The following STXBP6 variants were observed in gnomAD, a reference collection of about 807,000 sequenced individuals.
STXBP6 encodes the protein syntaxin binding protein 6.
Under a neutral mutation model 26.9 loss-of-function variants are expected in STXBP6, and 21 were observed. The observed-to-expected ratio is 0.78, with a 90% CI of 0.55 to 1.12. The LOEUF (loss-of-function observed/expected upper bound fraction) is 1.12, where lower values mean the gene tolerates loss of function less well. Among genes scored for constraint, STXBP6 ranks in the 50% most tolerant of loss-of-function variants. STXBP6 has a pLI of 0.00. For synonymous variants in STXBP6, 97 were observed against 92.6 expected, an observed-to-expected ratio of 1.05 and a Z score of -0.27; for missense variants, 232 against 257.9, an observed-to-expected ratio of 0.90 and a Z score of 0.69.
chr14:24,812,868 T>C, intron 5 of STXBP6, 136 bp from the exon 6 acceptor site: 1 of 798,174 alleles, frequency 1.3e-6, no homozygotes. Context: ...AGATCACCGT[T>C]ACTAATTACA....
intron 1 of STXBP6, among the ~76,000 whole-genome samples, chr14:25,035,956 G>A (rs746759332): frequency 1.3e-5 from 2 of 152,052 alleles, no homozygotes; most frequent in Non-Finnish European, 2.9e-5. Flanking sequence ...GGTGGCTCAC[G>A]CCTGTAATCC....
At chr14:25,029,944 C>T (rs1438411714) in intron 1 of STXBP6, among the ~76,000 whole-genome samples, 1 of 151,696 alleles carries the variant, frequency 6.6e-6, no homozygotes, top group African/African-American at 2.4e-5. Flanking sequence ...GCAATAGCTA[C>T]CATTTATCCT....
chr14:24,835,350 T>TG (rs2068581323), intron 4 of STXBP6, among the ~76,000 whole-genome samples: 1 of 151,618 alleles, frequency 6.6e-6, no homozygotes, highest in Non-Finnish European at 1.5e-5. Context: ...ATTGAGTGTT[T>TG]TTTGACCAGT....
chr14:24,833,460 T>G (rs566667198), intron 4 of STXBP6, among the ~76,000 whole-genome samples: 1 of 152,368 alleles, frequency 6.6e-6, no homozygotes, highest in Non-Finnish European at 1.5e-5. Flanking sequence ...TCCCTTCATT[T>G]TTTGTTATCT....
intron 2 of STXBP6, among the ~76,000 whole-genome samples, chr14:24,969,256 A>G (rs1172628441): frequency 6.6e-6 from 1 of 152,226 alleles, no homozygotes; most frequent in South Asian, 2.1e-4. Flanking sequence ...ACAAAAATTA[A>G]AGCTCCCACA....
chr14:24,879,205 T>C (rs74417369), intron 2 of STXBP6, among the ~76,000 whole-genome samples: 2,243 of 152,266 alleles, frequency 0.015, 65 homozygotes, highest in African/African-American at 0.051. Context: ...AATAATCAAA[T>C]ATTACATAGA....
intron 2 of STXBP6, among the ~76,000 whole-genome samples, chr14:24,956,979 A>AT (rs1316041135): frequency 6.6e-6 from 1 of 152,152 alleles, no homozygotes; most frequent in Admixed American, 6.6e-5. Context: ...CACATTTTGC[A>AT]TAATTCTGCA....
intron 1 of STXBP6, among the ~76,000 whole-genome samples, chr14:25,043,872 T>A (rs1225083191): frequency 6.6e-6 from 1 of 152,142 alleles, no homozygotes; most frequent in East Asian, 1.9e-4. Flanking sequence ...GTTTCCACTT[T>A]AGGGCTATTA....
At chr14:24,827,693 T>C (rs2068329351) in intron 4 of STXBP6, among the ~76,000 whole-genome samples, 1 of 152,194 alleles carries the variant, frequency 6.6e-6, no homozygotes, top group Non-Finnish European at 1.5e-5. Flanking sequence ...AGCCTGGATG[T>C]TGTTCCTGCC....
At chr14:24,837,222 A>G (rs2068645288) in intron 4 of STXBP6, among the ~76,000 whole-genome samples, 1 of 152,228 alleles carries the variant, frequency 6.6e-6, no homozygotes, top group South Asian at 2.1e-4. Flanking sequence ...TCTGTGGAAC[A>G]TAGGAAAATT....
At chr14:24,982,751 A>G (rs985535165) in intron 1 of STXBP6, among the ~76,000 whole-genome samples, 6 of 152,206 alleles carry the variant, frequency 3.9e-5, no homozygotes, top group Non-Finnish European at 7.4e-5. Flanking sequence ...CAGTATACAC[A>G]TTCTTCTTGT....
intron 4 of STXBP6, among the ~76,000 whole-genome samples, chr14:24,835,669 G>A (rs2068589099): frequency 6.6e-6 from 1 of 152,068 alleles, no homozygotes; most frequent in African/African-American, 2.4e-5. Context: ...AAAAAAGTAG[G>A]TGCTATTAAA....
chr14:24,854,813 C>G (rs548159045), intron 4 of STXBP6, among the ~76,000 whole-genome samples: 19 of 152,182 alleles, frequency 1.2e-4, no homozygotes, highest in Middle Eastern at 3.4e-3. Context: ...TTCCTTTAAA[C>G]ATCTATGTCT....
intron 1 of STXBP6, among the ~76,000 whole-genome samples, chr14:24,981,432 G>A (rs919318752): frequency 3.9e-5 from 6 of 151,934 alleles, no homozygotes; most frequent in Non-Finnish European, 5.9e-5. Flanking sequence ...CACCATGCCC[G>A]GCTAATTTTT....
intron 2 of STXBP6, among the ~76,000 whole-genome samples, chr14:24,863,098 ACT>A (rs1327728083): frequency 6.6e-6 from 1 of 151,974 alleles, no homozygotes; most frequent in Non-Finnish European, 1.5e-5. Context: ...TTGAAAGGAT[ACT>A]CTCTTTTTCA....
intron 1 of STXBP6, among the ~76,000 whole-genome samples, chr14:25,040,487 C>T (rs909996445): frequency 6.6e-6 from 1 of 152,146 alleles, no homozygotes; most frequent in African/African-American, 2.4e-5. Flanking sequence ...AGTAACAGTA[C>T]CTACCTCTGA....
At chr14:24,895,841 C>A (rs1036492545) in intron 2 of STXBP6, among the ~76,000 whole-genome samples, 3 of 152,130 alleles carry the variant, frequency 2.0e-5, no homozygotes, top group Non-Finnish European at 4.4e-5. Flanking sequence ...AGGTCCTCAC[C>A]AGTAACAGGC....
chr14:24,941,036 A>G (rs550089325), intron 2 of STXBP6, among the ~76,000 whole-genome samples: 58 of 152,238 alleles, frequency 3.8e-4, no homozygotes, highest in Non-Finnish European at 7.1e-4. Context: ...CAAAACAAAC[A>G]AACAAAAACA....
chr14:24,812,581 A>G lies in STXBP6; in HGVS notation c.*128T>C. Reference sequence around the variant, plus strand: ...TTCACATTAACATCTGAAAAGAAAAAACAAAAACCACTCTAAGTGTCCAAA... The same window carrying G: ...TTCACATTAACATCTGAAAAGAAAAGACAAAAACCACTCTAAGTGTCCAAA... On this transcript the variant is annotated 3_prime_UTR_variant, in exon 6 of 6. Coordinates refer to ENST00000323944, the MANE Select transcript of STXBP6 (RefSeq NM_001394410.1). The G allele has an allele frequency of 1.1e-6, 1 of 873,622 alleles. No individual in the cohort carries two copies. Among genetic ancestry groups the G allele is most frequent in the Admixed American group, 2.5e-5 (1 of 40,510 alleles). The allele number at this position is 873,622 out of a possible 1,614,324, so 54.1% of individuals were successfully genotyped here.
Sources: gnomAD v4.1 joint callset for allele counts (sites outside exome capture counted in the v4.1 genomes callset) on GRCh38, gnomAD v4.1.1 for gene constraint, MANE v1.5 for transcripts, NCBI Gene and HGNC (gene_info 2026-07-23, HGNC 2026-07-21) for gene names.